Variants in CACNA1B observed in about 807,000 individuals in gnomAD.
CACNA1B encodes calcium voltage-gated channel subunit alpha1 B.
A neutral mutation model predicts 247.2 loss-of-function variants in CACNA1B; 70 were observed. The observed-to-expected ratio is 0.28, with a 90% CI of 0.23 to 0.35. The LOEUF (loss-of-function observed/expected upper bound fraction) is 0.35. Ranked by LOEUF, CACNA1B falls within the 10% of genes least tolerant of loss-of-function variation. CACNA1B has a pLI of 1.00. For missense variants in CACNA1B, 2,367 were observed against 3,197.4 expected (o/e 0.74, Z 6.26); for synonymous variants, 1,231 against 1,294.4 (o/e 0.95, Z 1.05).
chr9:137,952,748 T>A lies in CACNA1B; in HGVS notation c.1070+371T>A, dbSNP rs1369670989. Among the ~76,000 whole-genome samples, 2 of 89,690 alleles carry A rather than the reference T, an allele frequency of 2.2e-5. No individual in the cohort carries two copies. Among genetic ancestry groups the A allele is most frequent in the African/African-American group, 1.8e-4 (2 of 11,240 alleles). 58.8% of individuals were successfully genotyped at this position (89,690 alleles called of 152,430 possible). Reference sequence around the variant, plus strand: ...GGGGGGATGGGAGGTGTGGTCTGTATTGGGAGGTTGGTCTGGGTGGATGGG... The same window carrying A: ...GGGGGGATGGGAGGTGTGGTCTGTAATGGGAGGTTGGTCTGGGTGGATGGG... On this transcript the variant is annotated intron_variant, in intron 7 of 46. Coordinates refer to ENST00000371372, the MANE Select transcript of CACNA1B (RefSeq NM_000718.4). This position sits in a 1 kb window ranked among gnomAD's most constrained non-coding sequence, Gnocchi z 4.8.
intron 10 of CACNA1B, among the ~76,000 whole-genome samples, chr9:137,964,291 A>C (rs933415481): frequency 7.2e-5 from 11 of 152,172 alleles, no homozygotes; most frequent in Admixed American, 5.9e-4. Flanking sequence ...ACATTTTCCA[A>C]CTTGTTCCAA....
At chr9:138,084,261 C>A (rs1028046168) in intron 36 of CACNA1B, among the ~76,000 whole-genome samples, 2 of 151,284 alleles carry the variant, frequency 1.3e-5, no homozygotes, top group African/African-American at 4.9e-5. Context: ...CACAGCCACT[C>A]TGAGCACCTG....
rs186852365 is a variant in CACNA1B at position 138,112,191 on chromosome 9, T to C, written c.5429-207T>C. Among the ~76,000 whole-genome samples, 606 of 152,226 alleles carry C rather than the reference T, an allele frequency of 4.0e-3. 3 individuals are homozygous for C. The highest frequency in any genetic ancestry group is 0.014 in the African/African-American group (566 of 41,566). ...GTTGCCCTGCTCACCTGCCTCCTCCTCTGGGCAGACTCGCAGCAGGGAGGG... is the reference window on the plus strand; with the variant it reads ...GTTGCCCTGCTCACCTGCCTCCTCCCCTGGGCAGACTCGCAGCAGGGAGGG... On this transcript the variant is annotated intron_variant, in intron 39 of 46. Coordinates refer to ENST00000371372, the MANE Select transcript of CACNA1B (RefSeq NM_000718.4).
At position 138,057,795 on chromosome 9, in the gene CACNA1B, C is replaced by T. The variant is rs75394126; in HGVS notation, c.4032C>T (p.Tyr1344=). The T allele has an allele frequency of 2.2e-3, 3,538 of 1,612,532 alleles. 54 individuals carry two copies. The African/African-American group carries it at 0.035, about 16-fold the overall frequency. ...VEAQPRQWKK[Y]DFHYDNVLWA... ...CTCAGCCCAGGCAGTGGAAGAAATA[C>T]GACTTTCACTACGACAATGTGCTCT... The change falls in exon 27 of 47, where the codon TAC becomes TAT. Residue 1344 remains tyrosine, a synonymous_variant. Transcript: ENST00000371372. This position sits in a 1 kb window ranked among gnomAD's most constrained non-coding sequence, Gnocchi z 4.0.
rs957989039 is a variant in CACNA1B at position 137,971,138 on chromosome 9, G to A, written c.1334-245G>A. On this transcript the variant is annotated intron_variant, in intron 10 of 46. Coordinates refer to ENST00000371372, the MANE Select transcript of CACNA1B (RefSeq NM_000718.4). The surrounding 1 kb of genome is among the most constrained non-coding windows in gnomAD (Gnocchi z 4.4). ...GTGGCTGGGGATGCTGGGGACCAGA[G>A]AAGTGAGTACAGATCATCCACTTCA... Among the ~76,000 whole-genome samples the A allele has an allele frequency of 6.6e-6, 1 of 152,182 alleles. No homozygotes were observed. Among genetic ancestry groups the A allele is most frequent in the Non-Finnish European group, 1.5e-5 (1 of 68,022 alleles).
rs541779236 is a variant in CACNA1B, at chr9:137,928,061, A to G, written c.966+10630A>G. Among the ~76,000 whole-genome samples, 11 of 152,192 alleles carry G rather than the reference A, an allele frequency of 7.2e-5. No individual in the cohort carries two copies. In the East Asian group the frequency reaches 2.1e-3, roughly 29 times the overall value. ...ATTTTTACTAAGGAGTCTTACACTT[A>G]TATTCATGAGGGATTTTGATCTGTA... On this transcript the variant is annotated intron_variant, in intron 6 of 46. Coordinates refer to ENST00000371372, the MANE Select transcript of CACNA1B (RefSeq NM_000718.4).
chr9:138,085,008 T>C lies in CACNA1B; in HGVS notation c.5094+6750T>C, dbSNP rs142369017. 2.6e-4 allele frequency among the ~76,000 whole-genome samples: 38 copies of C among 148,708 alleles called. 4 individuals are homozygous for C. In the East Asian group the frequency reaches 7.5e-3, roughly 29 times the overall value. On this transcript the variant is annotated intron_variant, in intron 36 of 46. Transcript: ENST00000371372. ...ACATCACCCAAGGAACATAACTCTT[T>C]AGTAGTAGACCCTAGTAAAAACTAA... is the stretch of plus-strand genomic sequence containing the variant.
intron 6 of CACNA1B, among the ~76,000 whole-genome samples, chr9:137,948,115 G>A (rs773130008): frequency 1.3e-5 from 2 of 151,784 alleles, no homozygotes; most frequent in Non-Finnish European, 2.9e-5. Flanking sequence ...GGAGTAGCTG[G>A]GATTACAAGC....
chr9:138,121,614 A>G lies in CACNA1B; in HGVS notation c.6635A>G (p.His2212Arg). 1 of 1,611,150 alleles carries G rather than the reference A, an allele frequency of 6.2e-7. No homozygotes were observed. The highest frequency in any genetic ancestry group is 8.5e-7 in the Non-Finnish European group (1 of 1,178,972). ...AAGACGGCCAACTCCTCACCCATCC[A>G]CTTCGCCGGGGCTCAGACCAGCCTC... ...TYKTANSSPI[H>R]FAGAQTSLPA... Residue 2212 changes from histidine (H) to arginine (R), a missense_variant, in exon 47 of 47, where the codon CAC (histidine) becomes CGC (arginine). Transcript: ENST00000371372. This position sits in a 1 kb window ranked among gnomAD's most constrained non-coding sequence, Gnocchi z 6.8.
chr9:138,040,680 C>T (rs1206045926), intron 20 of CACNA1B: 1 of 233,804 alleles, frequency 4.3e-6, no homozygotes, highest in South Asian at 4.5e-5. Context: ...GAGGTGAGGC[C>T]CGTTGTCTCC....
rs888506192 is a variant in CACNA1B at position 137,952,182 on chromosome 9, G to C, written c.967-92G>C. 2.1e-6 allele frequency: 2 copies of C among 963,684 alleles called. No homozygotes were observed. Among genetic ancestry groups the C allele is most frequent in the Admixed American group, 1.9e-5 (1 of 52,762 alleles). 59.7% of individuals were successfully genotyped at this position (963,684 alleles called of 1,614,324 possible). A position where few individuals can be genotyped will look rare whatever the true frequency, so the allele number is the denominator to read the frequency against. On this transcript the variant is annotated intron_variant, in intron 6 of 46. Coordinates refer to ENST00000371372, the MANE Select transcript of CACNA1B (RefSeq NM_000718.4). The surrounding 1 kb of genome is among the most constrained non-coding windows in gnomAD (Gnocchi z 4.8). ...TGGACCCTACCAGGTGTGTGCTTCT[G>C]AGAAGGAGGCCTGTTGGGGGCTGGG...
chr9:137,935,616 C>T (rs1241423419), intron 6 of CACNA1B, among the ~76,000 whole-genome samples: 1 of 152,148 alleles, frequency 6.6e-6, no homozygotes. Flanking sequence ...TGGGTATATA[C>T]CCAGTAATGG....
chr9:137,931,430 G>C lies in CACNA1B; in HGVS notation c.966+13999G>C, dbSNP rs115509318. Among the ~76,000 whole-genome samples, 434 of 152,258 alleles carry C rather than the reference G, an allele frequency of 2.9e-3. 3 individuals carry two copies. The highest frequency in any genetic ancestry group is 9.8e-3 in the African/African-American group (406 of 41,544). On this transcript the variant is annotated intron_variant, in intron 6 of 46. Coordinates refer to ENST00000371372, the MANE Select transcript of CACNA1B (RefSeq NM_000718.4). ...GCGATACAGTGGAATGGGGGGCGTT[G>C]CAAAGGGAGTAGCCTCTTCTTTTGT...
In CACNA1B at chr9:137,899,169, C is replaced by T. The variant is rs988555471; in HGVS notation, c.531-14011C>T. On this transcript the variant is annotated intron_variant, in intron 3 of 46. Transcript: ENST00000371372. This position sits in a 1 kb window ranked among gnomAD's most constrained non-coding sequence, Gnocchi z 5.0. Reference sequence around the variant, plus strand: ...GTGCTGCAATCTCAGCTCACTGCAACCTCCGCCTCCTAGGTTCAAGCAATT... The same window carrying T: ...GTGCTGCAATCTCAGCTCACTGCAATCTCCGCCTCCTAGGTTCAAGCAATT... Among the ~76,000 whole-genome samples, 1 of 151,912 alleles carries T rather than the reference C, an allele frequency of 6.6e-6. No homozygotes were observed. Among genetic ancestry groups the T allele is most frequent in the African/African-American group, 2.4e-5 (1 of 41,308 alleles).
chr9:138,035,808 C>G (rs1303503813), intron 20 of CACNA1B, among the ~76,000 whole-genome samples: 1 of 152,188 alleles, frequency 6.6e-6, no homozygotes, highest in Non-Finnish European at 1.5e-5. Context: ...GGATACTCAG[C>G]TCATGACATT....
rs527584827 is a variant in CACNA1B at position 137,971,442 on chromosome 9, C to T, written c.1393C>T (p.Arg465Trp). Reference protein sequence around the residue: ...SGKTESSSYFRRKEKMFRFFI... With the variant: ...SGKTESSSYFWRKEKMFRFFI... Reference sequence around the variant, plus strand: ...GAAGACAGAGAGCTCGTCATACTTCCGGAGGAAGGAGAAGATGTTCCGGTT... The same window carrying T: ...GAAGACAGAGAGCTCGTCATACTTCTGGAGGAAGGAGAAGATGTTCCGGTT... The change falls in exon 11 of 47, where the codon CGG (arginine) becomes TGG (tryptophan). Residue 465 changes from arginine (R) to tryptophan (W), a missense_variant. Physicochemically the swap from Arg to Trp is moderately radical, Grantham distance 101. Coordinates refer to ENST00000371372, the MANE Select transcript of CACNA1B (RefSeq NM_000718.4). This position sits in a 1 kb window ranked among gnomAD's most constrained non-coding sequence, Gnocchi z 4.4. 16 of 1,613,548 alleles carry T rather than the reference C, an allele frequency of 9.9e-6. 1 individual carries two copies. Among genetic ancestry groups the T allele is most frequent in the African/African-American group, 6.7e-5 (5 of 75,022 alleles).
intron 6 of CACNA1B, among the ~76,000 whole-genome samples, chr9:137,951,001 G>A (rs562103809): frequency 5.3e-5 from 8 of 152,294 alleles, no homozygotes; most frequent in East Asian, 1.9e-4. Context: ...GGGAAATTGC[G>A]GGAGCCAAGT....
chr9:137,939,194 T>C (rs908374486), intron 6 of CACNA1B, among the ~76,000 whole-genome samples: 1 of 152,174 alleles, frequency 6.6e-6, no homozygotes, highest in Non-Finnish European at 1.5e-5. Flanking sequence ...ACAGTGAATG[T>C]AAACTATACC....
At chr9:137,922,168 C>T (rs572311645) in intron 6 of CACNA1B, among the ~76,000 whole-genome samples, 5 of 143,702 alleles carry the variant, frequency 3.5e-5, no homozygotes, top group East Asian at 2.1e-4. Context: ...AACACCACAC[C>T]GCACAGCATC....
Sources: gnomAD v4.1 joint callset for allele counts (sites outside exome capture counted in the v4.1 genomes callset) on GRCh38, gnomAD v4.1.1 for gene constraint, Gnocchi (gnomAD v3.1) non-coding constraint, MANE v1.5 for transcripts, NCBI Gene and HGNC (gene_info 2026-07-23, HGNC 2026-07-21) for gene names.